FOXP2: variants seen among roughly 807,000 people sequenced by gnomAD.
FOXP2 encodes forkhead box protein P2.
A neutral mutation model predicts 115.8 loss-of-function variants in FOXP2; 12 were observed. The ratio of observed to expected loss-of-function variants is 0.10; its 90% CI spans 0.07 to 0.17. FOXP2 has a LOEUF of 0.17. Among genes scored for constraint, FOXP2 ranks in the 10% least tolerant of loss-of-function variants. FOXP2 has a pLI of 1.00. For synonymous variants in FOXP2, 328 were observed against 297.7 expected (o/e 1.10, Z -1.05); for missense variants, 629 against 843.5 (o/e 0.75, Z 3.15).
intron 2 of FOXP2, among the ~76,000 whole-genome samples, chr7:114,470,966 A>G (rs2129230298): frequency 6.6e-6 from 1 of 152,160 alleles, no homozygotes; most frequent in African/African-American, 2.4e-5. Context: ...CATCATTTTC[A>G]GGGATGAGCT....
At chr7:114,603,830 G>A (rs184137803) in intron 3 of FOXP2, among the ~76,000 whole-genome samples, 10 of 152,182 alleles carry the variant, frequency 6.6e-5, no homozygotes, top group Non-Finnish European at 8.8e-5. Flanking sequence ...CTTAAAAAAC[G>A]AAATTATTTA....
chr7:114,233,793 A>G (rs148219936), intron 1 of FOXP2, among the ~76,000 whole-genome samples: 4 of 152,302 alleles, frequency 2.6e-5, no homozygotes, highest in Non-Finnish European at 5.9e-5. Context: ...CAGGCAGATC[A>G]CTTGATGCCA....
intron 2 of FOXP2, among the ~76,000 whole-genome samples, chr7:114,505,028 A>C (rs991162924): frequency 9.9e-5 from 15 of 151,602 alleles, no homozygotes; most frequent in Non-Finnish European, 3.0e-5. Context: ...TATCCATTCA[A>C]ATCATGCATT....
At position 114,652,234 on chromosome 7, in the gene FOXP2, C is replaced by T; in HGVS notation, c.1126C>T (p.Arg376Ter). 6.2e-7 allele frequency: 1 copy of T among 1,612,896 alleles called. No individual in the cohort carries two copies. Among genetic ancestry groups the T allele is most frequent in the Non-Finnish European group, 8.5e-7 (1 of 1,179,288 alleles). Residue 376 changes from arginine to a stop codon, truncating the protein, a stop_gained, in exon 9 of 17, where the codon CGA becomes TGA. Transcript: ENST00000350908. LOFTEE classifies it high-confidence loss of function. ...TAACAATGAACACGCATTGGATGAC[C>T]GAAGCACTGCTCAGTGTCGAGTGCA... The part of the protein sequence containing the change: ...HLNNEHALDD[R>*]STAQCRVQMQ...
chr7:114,462,965 T>C, intron 2 of FOXP2: 1 of 323,304 alleles, frequency 3.1e-6, no homozygotes, highest in South Asian at 2.4e-5. Flanking sequence ...ATCAATACAT[T>C]AATTATAACT....
chr7:114,151,727 T>C (rs1482230049), intron 1 of FOXP2, among the ~76,000 whole-genome samples: 2 of 152,134 alleles, frequency 1.3e-5, no homozygotes, highest in African/African-American at 4.8e-5. Context: ...ACTAAGTTTA[T>C]CTAAACATTG....
chr7:114,130,479 G>A (rs1791842895), intron 1 of FOXP2, among the ~76,000 whole-genome samples: 1 of 152,138 alleles, frequency 6.6e-6, no homozygotes, highest in Admixed American at 6.5e-5. Context: ...TGAGGAAACA[G>A]AATTAGGAAA....
intron 2 of FOXP2, among the ~76,000 whole-genome samples, chr7:114,435,482 A>T (rs1794300040): frequency 6.6e-6 from 1 of 152,146 alleles, no homozygotes; most frequent in South Asian, 2.1e-4. Flanking sequence ...AGGTTGGAAT[A>T]GGTAGGCTAG....
chr7:114,324,709 T>C (rs1378454212), intron 2 of FOXP2, among the ~76,000 whole-genome samples: 1 of 151,906 alleles, frequency 6.6e-6, no homozygotes, highest in Non-Finnish European at 1.5e-5. Flanking sequence ...ATATCATCAT[T>C]TTACCTTTAT....
At chr7:114,199,123 T>C (rs1213749964) in intron 1 of FOXP2, among the ~76,000 whole-genome samples, 1 of 152,170 alleles carries the variant, frequency 6.6e-6, no homozygotes, top group Non-Finnish European at 1.5e-5. Context: ...CTAAGGAGAT[T>C]CTTCTGCCTT....
At chr7:114,661,739 AC>A in intron 13 of FOXP2, 1 of 353,956 alleles carries the variant, frequency 2.8e-6, no homozygotes, top group South Asian at 2.3e-5. Flanking sequence ...CAGGGACACA[AC>A]AGAGCTGACC....
chr7:114,112,287 G>GT (rs1791290071), intron 1 of FOXP2, among the ~76,000 whole-genome samples: 1 of 151,918 alleles, frequency 6.6e-6, no homozygotes, highest in East Asian at 1.9e-4. Flanking sequence ...GGGGAATGTG[G>GT]TTTCTGCACT....
intron 3 of FOXP2, among the ~76,000 whole-genome samples, chr7:114,626,567 A>G (rs534596637): frequency 3.4e-4 from 52 of 151,668 alleles, no homozygotes; most frequent in Non-Finnish European, 7.1e-4. Flanking sequence ...CTCTCTCTAT[A>G]TATATCCATG....
chr7:114,200,715 T>C (rs1000960828), intron 1 of FOXP2, among the ~76,000 whole-genome samples: 1 of 152,214 alleles, frequency 6.6e-6, no homozygotes, highest in Non-Finnish European at 1.5e-5. Context: ...TAACTTCACT[T>C]AAATTTTGTA....
chr7:114,474,308 G>T (rs1486938407), intron 2 of FOXP2, among the ~76,000 whole-genome samples: 1 of 152,112 alleles, frequency 6.6e-6, no homozygotes, highest in African/African-American at 2.4e-5. Flanking sequence ...GCACTATTTT[G>T]TCTATGTCTT....
intron 1 of FOXP2, among the ~76,000 whole-genome samples, chr7:114,195,579 G>A (rs1165095407): frequency 2.0e-5 from 3 of 152,040 alleles, no homozygotes; most frequent in African/African-American, 4.8e-5. Context: ...AACAGTTACT[G>A]AAGCTTTATT....
chr7:114,087,033 T>A (rs768804085), upstream of FOXP2, among the ~76,000 whole-genome samples: 26 of 152,110 alleles, frequency 1.7e-4, 1 homozygote, highest in Non-Finnish European at 2.6e-4. Flanking sequence ...TTGTTTGTTG[T>A]CTTTTCCCCT....
At chr7:114,170,773 G>A (rs1793116300) in intron 1 of FOXP2, among the ~76,000 whole-genome samples, 1 of 152,200 alleles carries the variant, frequency 6.6e-6, no homozygotes, top group Admixed American at 6.5e-5. Flanking sequence ...AATGTTTGAA[G>A]CTAAGAGAGG....
rs151133660 is a variant in FOXP2, at chr7:114,155,761, G to C, written c.-246-7183G>C. Among the ~76,000 whole-genome samples, 680 of 152,252 alleles carry C rather than the reference G, an allele frequency of 4.5e-3. 6 individuals are homozygous for C. The highest frequency in any genetic ancestry group is 6.9e-3 in the Non-Finnish European group (468 of 68,002). Reference sequence around the variant, plus strand: ...AGGAGACACCGAGGCAAGTTTTAAAGCAGGAGTGAAAGTTTATTAAAACGT... The same window carrying C: ...AGGAGACACCGAGGCAAGTTTTAAACCAGGAGTGAAAGTTTATTAAAACGT... On this transcript the variant is annotated intron_variant, in intron 1 of 19. Transcript: ENST00000635638.
Sources: gnomAD v4.1 joint callset for allele counts (sites outside exome capture counted in the v4.1 genomes callset) on GRCh38, gnomAD v4.1.1 for gene constraint, MANE v1.5 for transcripts, NCBI Gene and HGNC (gene_info 2026-07-23, HGNC 2026-07-21) for gene names.